Variants in DIP2B observed in about 807,000 individuals in gnomAD.
DIP2B encodes disco-interacting protein 2 homolog B.
Under a neutral mutation model 198.0 loss-of-function variants are expected in DIP2B, and 76 were observed. The observed-to-expected ratio is 0.38, with a 90% CI of 0.32 to 0.46. The LOEUF (loss-of-function observed/expected upper bound fraction) is 0.46, where lower values mean the gene tolerates loss of function less well. DIP2B is among the 20% of genes least tolerant of loss of function. DIP2B has a pLI of 0.99. For synonymous variants in DIP2B, 701 were observed against 739.1 expected (o/e 0.95, Z 0.84); for missense variants, 1,559 against 1,978.4 (o/e 0.79, Z 4.02).
At chr12:50,527,984 G>A (rs1432747078) in intron 1 of DIP2B, among the ~76,000 whole-genome samples, 1 of 149,942 alleles carries the variant, frequency 6.7e-6, no homozygotes, top group Non-Finnish European at 1.5e-5. Context: ...CTGGAGTACA[G>A]TAGTGTAATC....
At chr12:50,601,603 A>C (rs966577260) in intron 1 of DIP2B, among the ~76,000 whole-genome samples, 2 of 151,904 alleles carry the variant, frequency 1.3e-5, no homozygotes, top group Non-Finnish European at 2.9e-5. Context: ...CTCCCAAAGT[A>C]CTGGGATTAC....
chr12:50,692,925 G>A, intron 13 of DIP2B, 24 bp from the exon 14 acceptor site: 2 of 1,598,320 alleles, frequency 1.3e-6, no homozygotes, highest in South Asian at 1.1e-5. Context: ...TGATTTCTTT[G>A]TCTTCCTATT....
At chr12:50,555,284 C>T (rs185902569) in intron 1 of DIP2B, among the ~76,000 whole-genome samples, 1 of 152,224 alleles carries the variant, frequency 6.6e-6, no homozygotes, top group Non-Finnish European at 1.5e-5. Flanking sequence ...CGTTTTGCCA[C>T]CATTTCCAGA....
At chr12:50,550,959 G>T (rs1400248748) in intron 1 of DIP2B, among the ~76,000 whole-genome samples, 1 of 150,458 alleles carries the variant, frequency 6.6e-6, no homozygotes. Flanking sequence ...CCCTGTCTTT[G>T]CCTGTAGTAC....
chr12:50,669,286 C>T (rs1308926341), intron 4 of DIP2B, among the ~76,000 whole-genome samples: 5 of 152,176 alleles, frequency 3.3e-5, no homozygotes, highest in Admixed American at 6.5e-5. Context: ...TGACATAGTT[C>T]CTGGCACATG....
intron 1 of DIP2B, among the ~76,000 whole-genome samples, chr12:50,561,764 T>C (rs1010654404): frequency 1.8e-4 from 28 of 151,746 alleles, no homozygotes; most frequent in African/African-American, 6.0e-4. Context: ...TGTGCAACCA[T>C]GCTTGGCTAA....
intron 1 of DIP2B, among the ~76,000 whole-genome samples, chr12:50,564,029 C>G (rs1958542817): frequency 6.6e-6 from 1 of 152,102 alleles, no homozygotes; most frequent in African/African-American, 2.4e-5. Flanking sequence ...CACTTCTGTT[C>G]CTATTTCCCC....
intron 1 of DIP2B, among the ~76,000 whole-genome samples, chr12:50,587,977 A>T (rs77480550): frequency 0.011 from 1,654 of 152,278 alleles, 35 homozygotes; most frequent in African/African-American, 0.038. Flanking sequence ...TTGCTTTTAT[A>T]AAAATATATA....
At chr12:50,589,343 C>T (rs116432939) in intron 1 of DIP2B, among the ~76,000 whole-genome samples, 2,051 of 150,258 alleles carry the variant, frequency 0.014, 51 homozygotes, top group African/African-American at 0.046. Flanking sequence ...TATAGGTGCA[C>T]GCCACCACGC....
chr12:50,548,458 G>C (rs1444601130), intron 1 of DIP2B, among the ~76,000 whole-genome samples: 1 of 152,148 alleles, frequency 6.6e-6, no homozygotes, highest in Non-Finnish European at 1.5e-5. Context: ...ACTGCAGTCT[G>C]ACATTCAATT....
chr12:50,736,693 TGAGA>T (rs1940144366), intron 34 of DIP2B, among the ~76,000 whole-genome samples: 2 of 152,298 alleles, frequency 1.3e-5, no homozygotes, highest in African/African-American at 4.8e-5. Flanking sequence ...TTCCAGTGAA[TGAGA>T]AAGAACATGA....
At chr12:50,643,855 C>T (rs1938303475) in intron 3 of DIP2B, among the ~76,000 whole-genome samples, 1 of 152,132 alleles carries the variant, frequency 6.6e-6, no homozygotes, top group Admixed American at 6.5e-5. Flanking sequence ...GACCTTATAT[C>T]TGTTTGCTAC....
At chr12:50,567,198 T>A (rs1201430682) in intron 1 of DIP2B, among the ~76,000 whole-genome samples, 1 of 152,312 alleles carries the variant, frequency 6.6e-6, no homozygotes, top group African/African-American at 2.4e-5. Context: ...TGCAAAGATA[T>A]GTACAGAAAG....
At chr12:50,706,954 G>T (rs1438623637) in intron 21 of DIP2B, among the ~76,000 whole-genome samples, 2 of 152,148 alleles carry the variant, frequency 1.3e-5, no homozygotes, top group African/African-American at 2.4e-5. Context: ...GGACTGAGGA[G>T]AATTCTAAAA....
chr12:50,732,493 GCAC>G lies in DIP2B; in HGVS notation c.3942_3944del (p.Thr1315del). Reference sequence around the variant, plus strand: ...ATCGGGCTGTCCCCGCGGGCTGTCAGCACCACTTTTGGATCAAGAGTCAATGTA... The same window carrying G: ...ATCGGGCTGTCCCCGCGGGCTGTCAGCACTTTTGGATCAAGAGTCAATGTA... On this transcript the variant is annotated inframe_deletion, in exon 32 of 38. Transcript: ENST00000301180. 6.2e-7 allele frequency: 1 copy of G among 1,614,224 alleles called. No homozygotes were observed. The highest frequency in any genetic ancestry group is 8.5e-7 in the Non-Finnish European group (1 of 1,180,048).
At chr12:50,609,241 C>G (rs1386702805) in intron 1 of DIP2B, among the ~76,000 whole-genome samples, 1 of 152,134 alleles carries the variant, frequency 6.6e-6, no homozygotes, top group Non-Finnish European at 1.5e-5. Flanking sequence ...GTTTTAGTAC[C>G]ATGGTTTATG....
At chr12:50,696,177 C>T (rs931374620) in intron 16 of DIP2B, among the ~76,000 whole-genome samples, 13 of 152,218 alleles carry the variant, frequency 8.5e-5, no homozygotes, top group African/African-American at 2.9e-4. Context: ...ACCACATGCC[C>T]ATTATCAGTC....
At chr12:50,691,303 C>T (rs1437425889) in intron 13 of DIP2B, 152 bp downstream of exon 13, 1 of 763,466 alleles carries the variant, frequency 1.3e-6, no homozygotes, top group East Asian at 3.0e-5. Context: ...TTCTTCTTCT[C>T]AAAAATATGC....
At chr12:50,547,145 C>T (rs1958384707) in intron 1 of DIP2B, among the ~76,000 whole-genome samples, 1 of 152,108 alleles carries the variant, frequency 6.6e-6, no homozygotes, top group Non-Finnish European at 1.5e-5. Flanking sequence ...TTCTACTGGA[C>T]AGGGGCCCTT....
Sources: allele counts gnomAD v4.1 joint callset (sites outside exome capture counted in the v4.1 genomes callset), GRCh38; gene constraint gnomAD v4.1.1; transcripts MANE v1.5; gene names NCBI Gene and HGNC (gene_info 2026-07-23, HGNC 2026-07-21).